The following EIF2S2 variants were observed in gnomAD, a reference collection of about 807,000 sequenced individuals.
EIF2S2 encodes eukaryotic translation initiation factor 2 subunit 2.
Under a neutral mutation model 44.0 loss-of-function variants are expected in EIF2S2, and 4 were observed. That is an observed-to-expected ratio of 0.09 (90% CI 0.04 to 0.21). EIF2S2 has a LOEUF of 0.21. Among genes scored for constraint, EIF2S2 ranks in the 10% least tolerant of loss-of-function variants. The probability of loss-of-function intolerance (pLI) is 1.00; values close to 1 mark genes in which losing one functional copy is unlikely to be tolerated. For missense variants in EIF2S2, 154 were observed against 392.0 expected, an observed-to-expected ratio of 0.39 and a Z score of 5.13; for synonymous variants, 108 against 128.3, an observed-to-expected ratio of 0.84 and a Z score of 1.07.
chr20:34,100,554 T>C lies in EIF2S2; in HGVS notation c.298-1921A>G, dbSNP rs554531563. 1.1e-4 allele frequency among the ~76,000 whole-genome samples: 16 copies of C among 152,244 alleles called. No individual in the cohort carries two copies. In the South Asian group the frequency reaches 3.3e-3, roughly 32 times the overall value. ...AACTGGGACAATGGCTACAGTCATT[T>C]CAGAAATCTCATTAGCGTACCAAAG... On this transcript the variant is annotated intron_variant, in intron 3 of 8. Transcript: ENST00000374980.
chr20:34,111,952 G>C (rs753136663), intron 1 of EIF2S2, 144 bp downstream of exon 1: 1 of 946,742 alleles, frequency 1.1e-6, no homozygotes, highest in African/African-American at 1.7e-5. Context: ...AGTCCTCGCC[G>C]GCTCTGCCGC....
In EIF2S2 at chr20:34,112,189, G is replaced by GCCGATACCT. The variant is rs1195506109; in HGVS notation, c.-88_-80dup. 2.1e-6 allele frequency: 3 copies of GCCGATACCT among 1,440,272 alleles called. No individual in the cohort carries two copies. In the African/African-American group the frequency reaches 4.3e-5, roughly 21 times the overall value. 89.2% of individuals were successfully genotyped at this position (1,440,272 alleles called of 1,614,324 possible). ...AGGCCCCGGCGGCAGCGCTGCCCCT[G>GCCGATACCT]CCGATACCTCTCCCACCACCGCACT... On this transcript the variant is annotated 5_prime_UTR_variant, in exon 1 of 9. Transcript: ENST00000374980.
At chr20:34,096,629 G>A in intron 6 of EIF2S2, 28 bp downstream of exon 6, 1 of 1,562,058 alleles carries the variant, frequency 6.4e-7, no homozygotes, top group Non-Finnish European at 8.6e-7. Flanking sequence ...TGGCATTTGG[G>A]ATGAAGGTAC....
At position 34,105,427 on chromosome 20, in the gene EIF2S2, T is replaced by G; in HGVS notation, c.134A>C (p.Glu45Ala). The change falls in exon 2 of 9, where the codon GAG (glutamate) becomes GCG (alanine). Residue 45 changes from glutamate (E) to alanine (A), a missense_variant. By Grantham distance (107) the Glu-to-Ala change is moderately radical. This residue lies in a region of EIF2S2 where 134 missense variants were observed against 225.0 expected (regional missense o/e 0.60). Transcript: ENST00000374980. The stretch of plus-strand genomic sequence containing the variant: ...ATCCTTGTCCTCAGTTGGCTCTGGC[T>G]CCACTTCTTTTGTTTCTGAAGGCTG... ...ETQPSETKEV[E>A]PEPTEDKDLE... The G allele has an allele frequency of 6.2e-7, 1 of 1,614,120 alleles. No homozygotes were observed. The highest frequency in any genetic ancestry group is 8.5e-7 in the Non-Finnish European group (1 of 1,179,958).
At chr20:34,092,777 C>T (rs987824400) in intron 7 of EIF2S2, among the ~76,000 whole-genome samples, 22 of 152,146 alleles carry the variant, frequency 1.4e-4, no homozygotes, top group Admixed American at 5.2e-4. Context: ...TAGCAAATCC[C>T]AACAGTTTAA....
intron 1 of EIF2S2, among the ~76,000 whole-genome samples, chr20:34,106,245 C>G (rs796199899): frequency 8.6e-5 from 13 of 152,018 alleles, no homozygotes; most frequent in African/African-American, 3.1e-4. Flanking sequence ...TTATTCAAGG[C>G]TGGTAACTTG....
At chr20:34,109,527 G>A (rs1168288688) in intron 1 of EIF2S2, among the ~76,000 whole-genome samples, 4 of 151,984 alleles carry the variant, frequency 2.6e-5, no homozygotes, top group Non-Finnish European at 5.9e-5. Context: ...GGGTGCAAGA[G>A]CATGCACGTG....
intron 6 of EIF2S2, among the ~76,000 whole-genome samples, chr20:34,095,626 A>G (rs1272255189): frequency 1.3e-5 from 2 of 152,116 alleles, no homozygotes; most frequent in East Asian, 3.8e-4. Context: ...TCTACCTCTT[A>G]ATGGTGGACT....
chr20:34,102,587 T>A (rs1325579711), intron 3 of EIF2S2, among the ~76,000 whole-genome samples: 1 of 152,218 alleles, frequency 6.6e-6, no homozygotes, highest in Non-Finnish European at 1.5e-5. Flanking sequence ...TCCTGCTACA[T>A]GTGGGATGTA....
At chr20:34,094,592 G>A (rs116981430) in intron 6 of EIF2S2, among the ~76,000 whole-genome samples, 22 of 151,850 alleles carry the variant, frequency 1.4e-4, no homozygotes, top group Non-Finnish European at 2.9e-4. Context: ...TGTCTAGAAG[G>A]GTTCCATGGT....
intron 3 of EIF2S2, among the ~76,000 whole-genome samples, chr20:34,101,068 T>G (rs368512696): frequency 6.6e-6 from 1 of 152,140 alleles, no homozygotes; most frequent in Non-Finnish European, 1.5e-5. Context: ...AGCAGAAAAG[T>G]TGGAATAGCT....
At chr20:34,098,940 C>G (rs1303780309) in intron 3 of EIF2S2, among the ~76,000 whole-genome samples, 1 of 152,220 alleles carries the variant, frequency 6.6e-6, no homozygotes, top group Non-Finnish European at 1.5e-5. Context: ...ACCAAACTGG[C>G]TCACAGAGAC....
intron 3 of EIF2S2, among the ~76,000 whole-genome samples, chr20:34,101,678 T>C (rs1234049212): frequency 3.4e-5 from 5 of 148,838 alleles, no homozygotes; most frequent in Admixed American, 2.0e-4. Flanking sequence ...TATTTTTCTT[T>C]TTTTTTTTTT....
intron 6 of EIF2S2, among the ~76,000 whole-genome samples, chr20:34,096,428 G>A (rs982531486): frequency 1.3e-5 from 2 of 152,166 alleles, no homozygotes; most frequent in African/African-American, 4.8e-5. Flanking sequence ...CCACTCCACT[G>A]CATTCCAGCC....
chr20:34,105,971 G>A (rs935547076), intron 1 of EIF2S2, among the ~76,000 whole-genome samples: 2 of 152,088 alleles, frequency 1.3e-5, no homozygotes, highest in African/African-American at 2.4e-5. Context: ...GCCCAGGATG[G>A]AGTGCAGTGG....
At chr20:34,091,293 G>A (rs1022353426) in intron 7 of EIF2S2, among the ~76,000 whole-genome samples, 5 of 152,316 alleles carry the variant, frequency 3.3e-5, no homozygotes, top group African/African-American at 4.8e-5. Context: ...AAGGGGCTAC[G>A]TTTGTTTTTT....
Position 34,097,406 on chromosome 20 carries a change from T to A in EIF2S2, c.534+10A>T. On this transcript the variant is annotated intron_variant, in intron 5 of 8. Transcript: ENST00000374980. ...AGCTTAGCCCCTTTTCACAACAGAT[T>A]TTGTCTTACCTCCTCGTATGTGTAG... 6.2e-7 allele frequency: 1 copy of A among 1,609,390 alleles called. No individual in the cohort carries two copies. The highest frequency in any genetic ancestry group is 2.2e-5 in the East Asian group (1 of 44,870).
In EIF2S2 at chr20:34,112,197, C is replaced by G. The variant is rs1470064525; in HGVS notation, c.-87G>C. 3.8e-5 allele frequency: 54 copies of G among 1,405,476 alleles called. No individual in the cohort carries two copies. The highest frequency in any genetic ancestry group is 4.9e-5 in the Non-Finnish European group (51 of 1,043,636). 87.1% of individuals were successfully genotyped at this position (1,405,476 alleles called of 1,614,324 possible). ...GCGGCAGCGCTGCCCCTGCCGATAC[C>G]TCTCCCACCACCGCACTAGGCTCTT... On this transcript the variant is annotated 5_prime_UTR_variant, in exon 1 of 9. Transcript: ENST00000374980.
At chr20:34,097,545 G>A (rs776689591) in intron 4 of EIF2S2, 29 bp from the exon 5 acceptor site, 6 of 1,587,134 alleles carry the variant, frequency 3.8e-6, no homozygotes, top group South Asian at 3.3e-5. Flanking sequence ...TTAAGAATGA[G>A]GGGTGGGCCC....
Sources: allele counts gnomAD v4.1 joint callset (sites outside exome capture counted in the v4.1 genomes callset), GRCh38; gene constraint gnomAD v4.1.1; regional missense constraint gnomAD v4.1.1; transcripts MANE v1.5; gene names NCBI Gene and HGNC (gene_info 2026-07-23, HGNC 2026-07-21).